ATP2C2: variants seen among roughly 807,000 people sequenced by gnomAD.
The protein encoded by ATP2C2 is ATPase secretory pathway Ca2+ transporting 2, also known as calcium-transporting ATPase type 2C member 2.
Under a neutral mutation model 110.8 loss-of-function variants are expected in ATP2C2, and 171 were observed. The ratio of observed to expected loss-of-function variants is 1.54; its 90% CI spans 1.36 to 1.75. The LOEUF (loss-of-function observed/expected upper bound fraction) is 1.75, where lower values mean the gene tolerates loss of function less well. Among genes scored for constraint, ATP2C2 ranks in the 40% most tolerant of loss-of-function variants. The probability of loss-of-function intolerance (pLI) is 0.00; values close to 1 mark genes in which losing one functional copy is unlikely to be tolerated. For synonymous variants in ATP2C2, 804 were observed against 508.4 expected, an observed-to-expected ratio of 1.58 and a Z score of -7.82; for missense variants, 1,963 against 1,235.0, an observed-to-expected ratio of 1.59 and a Z score of -8.84.
chr16:84,407,616 G>A (rs1397334478), intron 3 of ATP2C2, among the ~76,000 whole-genome samples: 1 of 152,020 alleles, frequency 6.6e-6, no homozygotes, highest in African/African-American at 2.4e-5. Context: ...GACCACAGGT[G>A]CACCTCACCA....
chr16:84,402,530 C>T (rs911165951), intron 2 of ATP2C2, among the ~76,000 whole-genome samples: 7 of 152,072 alleles, frequency 4.6e-5, no homozygotes, highest in African/African-American at 1.7e-4. Context: ...TGAATTCTGT[C>T]ACGTTTTTTC....
chr16:84,447,049 A>T (rs1909816763), intron 16 of ATP2C2, among the ~76,000 whole-genome samples: 1 of 152,162 alleles, frequency 6.6e-6, no homozygotes, highest in African/African-American at 2.4e-5. Context: ...GCTGATTTTT[A>T]AAATTTTCTT....
intron 11 of ATP2C2, among the ~76,000 whole-genome samples, chr16:84,436,418 C>T (rs953696617): frequency 4.6e-5 from 7 of 152,100 alleles, no homozygotes; most frequent in Non-Finnish European, 1.0e-4. Flanking sequence ...GGCAGCCTGG[C>T]CCCAGGGCCT....
chr16:84,432,545 A>G (rs1000915905), intron 11 of ATP2C2, among the ~76,000 whole-genome samples: 9 of 151,582 alleles, frequency 5.9e-5, no homozygotes, highest in Non-Finnish European at 1.3e-4. Context: ...TGTTTTTGAG[A>G]TGGAGTCTTG....
chr16:84,441,309 A>G (rs1909234150), intron 14 of ATP2C2, among the ~76,000 whole-genome samples: 1 of 152,182 alleles, frequency 6.6e-6, no homozygotes, highest in Non-Finnish European at 1.5e-5. Context: ...AAGAGCTAGA[A>G]GCCTCTGTAC....
At chr16:84,390,727 A>T (rs59569147) in intron 1 of ATP2C2, among the ~76,000 whole-genome samples, 1 of 152,284 alleles carries the variant, frequency 6.6e-6, no homozygotes, top group East Asian at 1.9e-4. Context: ...CAACATTGCA[A>T]AGGTACTAGA....
chr16:84,439,709 T>C lies in ATP2C2; in HGVS notation c.1209+185T>C, dbSNP rs140242565. Among the ~76,000 whole-genome samples the C allele has an allele frequency of 9.8e-4, 150 of 152,352 alleles. 1 individual carries two copies. Among genetic ancestry groups the C allele is most frequent in the African/African-American group, 2.9e-3 (122 of 41,578 alleles). On this transcript the variant is annotated intron_variant, in intron 13 of 26. Coordinates refer to ENST00000262429, the MANE Select transcript of ATP2C2 (RefSeq NM_014861.4). ...ATCCCATACTTCCTTTTAATAGATA[T>C]GACCAATTTAAGGTAGCCTCCTTTT...
chr16:84,387,272 A>C (rs1319325963), intron 1 of ATP2C2, among the ~76,000 whole-genome samples: 1 of 152,182 alleles, frequency 6.6e-6, no homozygotes, highest in Non-Finnish European at 1.5e-5. Flanking sequence ...CTGTAATCCC[A>C]GCGCGTTGGG....
chr16:84,453,027 C>A, intron 18 of ATP2C2, 111 bp from the exon 19 acceptor site: 1 of 1,135,678 alleles, frequency 8.8e-7, no homozygotes, highest in Non-Finnish European at 1.3e-6. Context: ...CTCAGTAAAC[C>A]GTCTCCAGCA....
At chr16:84,434,527 T>C (rs1230790693) in intron 11 of ATP2C2, among the ~76,000 whole-genome samples, 1 of 152,016 alleles carries the variant, frequency 6.6e-6, no homozygotes. Context: ...GTTTTGCTTT[T>C]GTTTTTTTGA....
Position 84,430,288 on chromosome 16 carries a change from G to C in ATP2C2, c.986+4487G>C, listed in dbSNP as rs1457738390. 2.0e-5 allele frequency among the ~76,000 whole-genome samples: 3 copies of C among 152,294 alleles called. No homozygotes were observed. In the East Asian group the frequency reaches 5.8e-4, roughly 29 times the overall value. ...ACAAGGAGGCCTGAGCCAGGGCTGG[G>C]AAGACCCGTCTACGCGAACGGCAAA... On this transcript the variant is annotated intron_variant, in intron 11 of 26. Coordinates refer to ENST00000262429, the MANE Select transcript of ATP2C2 (RefSeq NM_014861.4).
At chr16:84,439,655 T>A in intron 13 of ATP2C2, 131 bp downstream of exon 13, 1 of 853,884 alleles carries the variant, frequency 1.2e-6, no homozygotes, top group Non-Finnish European at 1.9e-6. Context: ...ATAATCTCCT[T>A]GCTAACATGA....
chr16:84,405,115 C>T lies in ATP2C2; in HGVS notation c.211-13C>T, dbSNP rs371510156. The T allele has an allele frequency of 6.8e-6, 11 of 1,610,982 alleles. No homozygotes were observed. The highest frequency in any genetic ancestry group is 7.6e-6 in the Non-Finnish European group (9 of 1,177,518). Reference sequence around the variant, plus strand: ...CGCCCATGAGTGAGCTTGTGCCTGACCTCTCCTTCCAGGTGGACTTACACA... The same window carrying T: ...CGCCCATGAGTGAGCTTGTGCCTGATCTCTCCTTCCAGGTGGACTTACACA... On this transcript the variant is annotated splice_polypyrimidine_tract_variant and intron_variant, in intron 2 of 26. Transcript: ENST00000262429.
chr16:84,416,523 A>G (rs1166640355), intron 7 of ATP2C2, among the ~76,000 whole-genome samples: 1 of 152,190 alleles, frequency 6.6e-6, no homozygotes, highest in East Asian at 1.9e-4. Context: ...AAGGGTTGGA[A>G]GCTACCCCCT....
chr16:84,460,585 C>G (rs766047302), intron 23 of ATP2C2, 69 bp from the exon 24 acceptor site: 6 of 1,608,764 alleles, frequency 3.7e-6, no homozygotes, highest in South Asian at 1.1e-5. Flanking sequence ...GGCTCAGGCA[C>G]AGCTGTTTCA....
At chr16:84,455,032 C>A in intron 21 of ATP2C2, 48 bp downstream of exon 21, 1 of 1,608,002 alleles carries the variant, frequency 6.2e-7, no homozygotes, top group Non-Finnish European at 8.5e-7. Context: ...TGCCTGGGGT[C>A]ACCAGCTTCT....
chr16:84,409,510 A>AT (rs1002497821), intron 4 of ATP2C2, among the ~76,000 whole-genome samples: 110 of 151,110 alleles, frequency 7.3e-4, no homozygotes, highest in African/African-American at 2.5e-3. Context: ...TCCTGAGCAC[A>AT]TTTTTTTTTC....
At chr16:84,433,484 C>G (rs1034979706) in intron 11 of ATP2C2, among the ~76,000 whole-genome samples, 1 of 152,088 alleles carries the variant, frequency 6.6e-6, no homozygotes. Flanking sequence ...GAAACCTCGT[C>G]TCTACTAAAA....
intron 2 of ATP2C2, among the ~76,000 whole-genome samples, chr16:84,401,590 C>G (rs1345759206): frequency 2.0e-5 from 3 of 152,148 alleles, no homozygotes; most frequent in Non-Finnish European, 4.4e-5. Context: ...AGAGATTGCC[C>G]TTTCCCCAGT....
Sources: gnomAD v4.1 joint callset for allele counts (sites outside exome capture counted in the v4.1 genomes callset) on GRCh38, gnomAD v4.1.1 for gene constraint, MANE v1.5 for transcripts, NCBI Gene and HGNC (gene_info 2026-07-23, HGNC 2026-07-21) for gene names.